The following TEN1 variants were observed in gnomAD, a reference collection of about 807,000 sequenced individuals.
TEN1 encodes the protein CST complex subunit TEN1.
Under a neutral mutation model 9.3 loss-of-function variants are expected in TEN1, and 6 were observed. That is an observed-to-expected ratio of 0.65 (90% CI 0.35 to 1.27). The LOEUF (loss-of-function observed/expected upper bound fraction) is 1.27. Among genes scored for constraint, TEN1 ranks in the 50% most tolerant of loss-of-function variants. TEN1 has a pLI of 0.03. For synonymous variants in TEN1, 65 were observed against 65.6 expected, an observed-to-expected ratio of 0.99 and a Z score of 0.04; for missense variants, 149 against 158.2, an observed-to-expected ratio of 0.94 and a Z score of 0.31.
At chr17:75,981,593 G>GTTTTTTTTTT (rs1198732444) in intron 1 of TEN1, among the ~76,000 whole-genome samples, 1 of 140,992 alleles carries the variant, frequency 7.1e-6, no homozygotes. Flanking sequence ...CACAAAGCAA[G>GTTTTTTTTTT]TTGTTTTTTT....
At chr17:75,992,257 A>ATC (rs2066190661) in intron 3 of TEN1, among the ~76,000 whole-genome samples, 1 of 150,884 alleles carries the variant, frequency 6.6e-6, no homozygotes, top group Non-Finnish European at 1.5e-5. Context: ...TTGAGACAAG[A>ATC]TCTCTCTCTG....
At chr17:75,990,330 T>C (rs2066177262) in intron 2 of TEN1, among the ~76,000 whole-genome samples, 1 of 151,866 alleles carries the variant, frequency 6.6e-6, no homozygotes, top group South Asian at 2.1e-4. Flanking sequence ...ATTACCAGCA[T>C]GAGCCACCAC....
At chr17:75,988,581 A>AG (rs1483976663) in intron 2 of TEN1, among the ~76,000 whole-genome samples, 7 of 149,718 alleles carry the variant, frequency 4.7e-5, no homozygotes. Flanking sequence ...AAAAAAAAAA[A>AG]AAAAAAGAAA....
intron 2 of TEN1, 83 bp from the exon 3 acceptor site, chr17:75,991,381 TAG>T: frequency 7.1e-7 from 1 of 1,401,602 alleles, no homozygotes; most frequent in Admixed American, 2.0e-5. Flanking sequence ...CACTTTTCTA[TAG>T]ATTTCTTGGC....
rs1382998791 is a variant in TEN1 at position 76,000,367 on chromosome 17, G to A, written c.*105G>A. The A allele has an allele frequency of 6.3e-6, 9 of 1,426,378 alleles. No homozygotes were observed. The East Asian group carries it at 1.3e-4, about 21-fold the overall frequency. The allele number at this position is 1,426,378 out of a possible 1,614,324, so 88.4% of individuals were successfully genotyped here. On this transcript the variant is annotated 3_prime_UTR_variant, in exon 4 of 4. Transcript: ENST00000397640. This position sits in a 1 kb window ranked among gnomAD's most constrained non-coding sequence, Gnocchi z 5.9. The stretch of plus-strand genomic sequence containing the variant: ...CGCCTCCCCAGCGACGGCCTTGTCT[G>A]GAGCTCGAAAGCCGAGGGGCGGGTG...
At chr17:75,988,674 G>A (rs1598212786) in intron 2 of TEN1, among the ~76,000 whole-genome samples, 1 of 151,940 alleles carries the variant, frequency 6.6e-6, no homozygotes, top group Non-Finnish European at 1.5e-5. Context: ...GCTGTGTATG[G>A]TAGACCTAGT....
chr17:75,986,241 G>A lies in TEN1; in HGVS notation c.49G>A (p.Ala17Thr). 1 of 1,550,160 alleles carries A rather than the reference G, an allele frequency of 6.5e-7. No individual in the cohort carries two copies. Among genetic ancestry groups the A allele is most frequent in the Non-Finnish European group, 8.7e-7 (1 of 1,146,288 alleles). The part of the protein sequence containing the change: ...GTYYLPWEVS[A>T]GQVPDGSTLR... Reference sequence around the variant, plus strand: ...CTATTACCTCCCCTGGGAGGTTAGTGCAGGCCAAGTTCCTGATGGGAGCAC... The same window carrying A: ...CTATTACCTCCCCTGGGAGGTTAGTACAGGCCAAGTTCCTGATGGGAGCAC... The change falls in exon 2 of 4, where the codon GCA becomes ACA. Residue 17 changes from alanine to threonine, a missense_variant. Physicochemically the swap from Ala to Thr is moderately conservative, Grantham distance 58 (BLOSUM62 0). Coordinates refer to ENST00000397640, the MANE Select transcript of TEN1 (RefSeq NM_001113324.3).
At chr17:75,986,607 AGG>A (rs2053437526) in intron 2 of TEN1, among the ~76,000 whole-genome samples, 2 of 152,062 alleles carry the variant, frequency 1.3e-5, no homozygotes, top group African/African-American at 4.8e-5. Context: ...AGGCTGAGGC[AGG>A]AGAATTGCTT....
At chr17:75,994,130 GT>G (rs1567898424) in intron 3 of TEN1, among the ~76,000 whole-genome samples, 1 of 151,136 alleles carries the variant, frequency 6.6e-6, no homozygotes, top group East Asian at 2.0e-4. Flanking sequence ...TTTTTGTGGG[GT>G]TTTTTCTTAA....
At position 75,982,882 on chromosome 17, in the gene TEN1, T is replaced by C. The variant is rs145546668; in HGVS notation, c.-6-3305T>C. On this transcript the variant is annotated intron_variant, in intron 1 of 3. Transcript: ENST00000397640. ...CCCGCCATCATGCCTGGCTAATTTT[T>C]GTATTTTTAGTAGAGACGGGGTGTC... is the stretch of plus-strand genomic sequence containing the variant. 8.0e-3 allele frequency among the ~76,000 whole-genome samples: 1,215 copies of C among 151,436 alleles called. 25 individuals are homozygous for C. The highest frequency in any genetic ancestry group is 0.061 in the South Asian group (293 of 4,774).
intron 2 of TEN1, among the ~76,000 whole-genome samples, chr17:75,990,607 G>A (rs1014342407): frequency 7.3e-5 from 11 of 150,936 alleles, no homozygotes; most frequent in Admixed American, 7.3e-4. Context: ...GCTGAGGCAG[G>A]TGGATCACGT....
rs541051543 is a variant in TEN1 at position 75,982,645 on chromosome 17, C to T, written c.-7+3134C>T. 1.1e-4 allele frequency among the ~76,000 whole-genome samples: 17 copies of T among 152,238 alleles called. No homozygotes were observed. In the East Asian group the frequency reaches 1.5e-3, roughly 14 times the overall value. ...TGTCACCCAGACTAGAATGCAGTGG[C>T]GCAACCATAGTTCACTGCAGCCTCA... On this transcript the variant is annotated intron_variant, in intron 1 of 3. Transcript: ENST00000397640.
intron 3 of TEN1, among the ~76,000 whole-genome samples, chr17:75,999,835 A>T (rs893064406): frequency 3.3e-5 from 5 of 152,016 alleles, no homozygotes; most frequent in African/African-American, 9.7e-5. Flanking sequence ...TTTTTAAAAT[A>T]TGGGTGTCTC....
intron 3 of TEN1, among the ~76,000 whole-genome samples, chr17:75,994,427 T>A (rs1416869511): frequency 7.9e-6 from 1 of 126,472 alleles, no homozygotes; most frequent in Admixed American, 8.0e-5. Flanking sequence ...AGAGCAAAAC[T>A]CCGTCTCAAA....
chr17:75,991,784 A>C (rs1244765683), intron 3 of TEN1, among the ~76,000 whole-genome samples, 161 bp downstream of exon 3: 1 of 152,154 alleles, frequency 6.6e-6, no homozygotes, highest in Non-Finnish European at 1.5e-5. Context: ...TTGAGGATTC[A>C]ACTCAGAGTG....
intron 1 of TEN1, among the ~76,000 whole-genome samples, chr17:75,982,800 T>A (rs1459274215): frequency 6.6e-6 from 1 of 151,462 alleles, no homozygotes; most frequent in Non-Finnish European, 1.5e-5. Context: ...AGCCTCCGCC[T>A]CCCGGGTTCA....
chr17:75,986,091 A>G lies in TEN1; in HGVS notation c.-6-96A>G. ...CACTGCCTACTGGAATTAGTCTTCA[A>G]GATGCTGTTGGTCTCATATATCTGC... On this transcript the variant is annotated intron_variant, in intron 1 of 3. Coordinates refer to ENST00000397640, the MANE Select transcript of TEN1 (RefSeq NM_001113324.3). The G allele has an allele frequency of 6.1e-6, 6 of 981,806 alleles. No individual in the cohort carries two copies. The East Asian group carries it at 1.1e-4, about 19-fold the overall frequency. 60.8% of individuals were successfully genotyped at this position (981,806 alleles called of 1,614,324 possible).
chr17:75,997,970 GCCTC>G (rs1319777785), intron 3 of TEN1, among the ~76,000 whole-genome samples: 3 of 151,486 alleles, frequency 2.0e-5, no homozygotes, highest in Non-Finnish European at 4.4e-5. Context: ...TTCTGCCTCA[GCCTC>G]CCTAGTAGCT....
chr17:75,989,218 G>C (rs2066170634), intron 2 of TEN1, among the ~76,000 whole-genome samples: 1 of 151,472 alleles, frequency 6.6e-6, no homozygotes, highest in Non-Finnish European at 1.5e-5. Context: ...TCCTGCCTCA[G>C]CCTCCCAAGT....
Sources: allele counts gnomAD v4.1 joint callset (sites outside exome capture counted in the v4.1 genomes callset), GRCh38; gene constraint gnomAD v4.1.1; non-coding constraint Gnocchi (gnomAD v3.1); transcripts MANE v1.5; gene names NCBI Gene and HGNC (gene_info 2026-07-23, HGNC 2026-07-21).